Variants in BMERB1 observed in about 807,000 individuals in gnomAD.
The protein encoded by BMERB1 is bMERB domain-containing protein 1.
In BMERB1, 12 loss-of-function variants were observed where a neutral mutation model predicts 23.6. That is an observed-to-expected ratio of 0.51 (90% CI 0.33 to 0.82). BMERB1 has a LOEUF of 0.82. Ranked by LOEUF, BMERB1 falls within the 40% of genes least tolerant of loss-of-function variation. The pLI, the probability that BMERB1 is intolerant of heterozygous loss-of-function variation, is 0.03. For missense variants in BMERB1, 247 were observed against 255.4 expected, an observed-to-expected ratio of 0.97 and a Z score of 0.22; for synonymous variants, 122 against 96.6, an observed-to-expected ratio of 1.26 and a Z score of -1.54.
intron 1 of BMERB1, among the ~76,000 whole-genome samples, chr16:15,469,675 TAA>T (rs2051212898): frequency 6.6e-6 from 1 of 152,222 alleles, no homozygotes; most frequent in African/African-American, 2.4e-5. Context: ...CAGAATTCTG[TAA>T]ATTTCAGCAT....
chr16:15,568,162 C>A (rs901057852), intron 3 of BMERB1, 106 bp downstream of exon 3: 2 of 891,556 alleles, frequency 2.2e-6, no homozygotes, highest in Non-Finnish European at 3.5e-6. Flanking sequence ...TCTTGCAATG[C>A]AGTGCTCCCT....
At chr16:15,452,661 A>G (rs776243414) in intron 1 of BMERB1, among the ~76,000 whole-genome samples, 1 of 152,174 alleles carries the variant, frequency 6.6e-6, no homozygotes, top group African/African-American at 2.4e-5. Flanking sequence ...CCTGTGTCCT[A>G]AGGCCTCCTG....
chr16:15,552,448 A>AAAG (rs758792516), intron 2 of BMERB1, among the ~76,000 whole-genome samples: 2 of 151,928 alleles, frequency 1.3e-5, no homozygotes, highest in Non-Finnish European at 2.9e-5. Flanking sequence ...TCAAAAAAAA[A>AAAG]AAGAAGAAGA....
At chr16:15,553,923 T>C (rs1877582074) in intron 2 of BMERB1, among the ~76,000 whole-genome samples, 1 of 152,190 alleles carries the variant, frequency 6.6e-6, no homozygotes, top group Non-Finnish European at 1.5e-5. Context: ...CTCCATGCCA[T>C]GCTCTCACTC....
chr16:15,460,167 G>A (rs1352893015), intron 1 of BMERB1, among the ~76,000 whole-genome samples: 1 of 152,138 alleles, frequency 6.6e-6, no homozygotes, highest in Non-Finnish European at 1.5e-5. Flanking sequence ...GTTAACTCAG[G>A]AATTATTGGA....
At chr16:15,484,407 CT>C (rs147271936) in intron 1 of BMERB1, among the ~76,000 whole-genome samples, 46 of 146,306 alleles carry the variant, frequency 3.1e-4, no homozygotes, top group Non-Finnish European at 2.9e-4. Context: ...CCCCCAACCT[CT>C]TTTTTTTTTT....
At chr16:15,437,607 CAGCA>C (rs2050899371) in intron 1 of BMERB1, among the ~76,000 whole-genome samples, 1 of 152,120 alleles carries the variant, frequency 6.6e-6, no homozygotes, top group African/African-American at 2.4e-5. Flanking sequence ...ACCCAATTTA[CAGCA>C]GTTTCAATCC....
chr16:15,554,640 G>GA (rs925890070), intron 2 of BMERB1, among the ~76,000 whole-genome samples: 57 of 131,884 alleles, frequency 4.3e-4, no homozygotes, highest in East Asian at 1.4e-3. Flanking sequence ...CTCTAAAAAA[G>GA]AAAAAAAAAA....
chr16:15,470,825 CTTTTTTTTT>C (rs35873574), intron 1 of BMERB1, among the ~76,000 whole-genome samples: 7 of 49,334 alleles, frequency 1.4e-4, no homozygotes, highest in East Asian at 5.8e-4. Flanking sequence ...CACCTGGCCT[CTTTTTTTTT>C]TTTTTTTTTT....
chr16:15,496,601 C>T (rs1485846044), intron 1 of BMERB1, among the ~76,000 whole-genome samples: 1 of 151,090 alleles, frequency 6.6e-6, no homozygotes, highest in African/African-American at 2.4e-5. Flanking sequence ...TGCAGTGGTG[C>T]GATCTTGGCT....
intron 1 of BMERB1, among the ~76,000 whole-genome samples, chr16:15,443,464 G>A (rs980502208): frequency 3.3e-5 from 5 of 151,404 alleles, no homozygotes; most frequent in African/African-American, 7.3e-5. Context: ...GCTTGAGCCT[G>A]GGGGGCCCGG....
chr16:15,494,877 C>CTTT (rs754135430), intron 1 of BMERB1, among the ~76,000 whole-genome samples: 291 of 95,158 alleles, frequency 3.1e-3, no homozygotes, highest in Middle Eastern at 8.2e-3. Context: ...TTTTTTTTAT[C>CTTT]TTTTTTTTTT....
At chr16:15,566,024 C>G (rs910002754) in intron 2 of BMERB1, among the ~76,000 whole-genome samples, 2 of 150,162 alleles carry the variant, frequency 1.3e-5, no homozygotes, top group African/African-American at 2.5e-5. Context: ...GAGAAGAAGC[C>G]TTAGAGGAAC....
intron 1 of BMERB1, among the ~76,000 whole-genome samples, chr16:15,460,033 T>G (rs76173202): frequency 6.6e-6 from 1 of 152,290 alleles, no homozygotes; most frequent in Non-Finnish European, 1.5e-5. Flanking sequence ...TTCTCATTGA[T>G]TTAGCATGGT....
At chr16:15,447,583 T>C (rs1428529694) in intron 1 of BMERB1, among the ~76,000 whole-genome samples, 3 of 152,156 alleles carry the variant, frequency 2.0e-5, no homozygotes, top group Non-Finnish European at 4.4e-5. Context: ...AGTCTGGTGC[T>C]CTCAGTAAAT....
chr16:15,482,310 AACTGACTTGTGTG>A (rs1185993815), intron 1 of BMERB1, among the ~76,000 whole-genome samples: 1 of 152,148 alleles, frequency 6.6e-6, no homozygotes, highest in East Asian at 1.9e-4. Flanking sequence ...CCTGAGTATG[AACTGACTTGTGTG>A]CTTTGAGGTC....
chr16:15,584,013 A>T, intron 5 of BMERB1: 1 of 702,338 alleles, frequency 1.4e-6, no homozygotes, highest in Non-Finnish European at 2.6e-6. Context: ...TTAGGTCTGG[A>T]ATCTCTGGAG....
chr16:15,454,936 A>ATACAT (rs1340091551), intron 1 of BMERB1, among the ~76,000 whole-genome samples: 2 of 152,222 alleles, frequency 1.3e-5, no homozygotes, highest in South Asian at 4.1e-4. Context: ...AAATTTGGCT[A>ATACAT]TACAGGTAAT....
intron 1 of BMERB1, among the ~76,000 whole-genome samples, chr16:15,456,257 G>T (rs765629792): frequency 6.6e-6 from 1 of 151,690 alleles, no homozygotes; most frequent in Admixed American, 6.6e-5. Flanking sequence ...GATGATATGT[G>T]TACTAATCAG....
Sources: gnomAD v4.1 joint callset for allele counts (sites outside exome capture counted in the v4.1 genomes callset) on GRCh38, gnomAD v4.1.1 for gene constraint, MANE v1.5 for transcripts, NCBI Gene and HGNC (gene_info 2026-07-23, HGNC 2026-07-21) for gene names.